The following HSPBAP1 variants were observed in gnomAD, a reference collection of about 807,000 sequenced individuals.
HSPBAP1 encodes the protein HSPB1 associated protein 1.
Under a neutral mutation model 45.2 loss-of-function variants are expected in HSPBAP1, and 27 were observed. The observed-to-expected ratio is 0.60, with a 90% CI of 0.44 to 0.82. HSPBAP1 has a LOEUF of 0.82. Among genes scored for constraint, HSPBAP1 ranks in the 40% least tolerant of loss-of-function variants. The pLI is 0.00. For missense variants in HSPBAP1, 510 were observed against 590.9 expected (o/e 0.86, Z 1.42); for synonymous variants, 204 against 202.7 (o/e 1.01, Z -0.06).
intron 1 of HSPBAP1, among the ~76,000 whole-genome samples, chr3:122,780,179 C>T (rs1230601468): frequency 8.4e-5 from 7 of 83,358 alleles, no homozygotes; most frequent in Admixed American, 4.2e-4. Flanking sequence ...GCTGGCCGGG[C>T]GGGGGGCTGA....
chr3:122,757,738 T>A (rs1474459658), intron 4 of HSPBAP1, among the ~76,000 whole-genome samples: 1 of 152,218 alleles, frequency 6.6e-6, no homozygotes, highest in Non-Finnish European at 1.5e-5. Flanking sequence ...AATGTCTTAT[T>A]ACAAAGTTAA....
chr3:122,746,731 TC>T (rs1256131619), intron 6 of HSPBAP1, among the ~76,000 whole-genome samples: 1 of 151,866 alleles, frequency 6.6e-6, no homozygotes, highest in African/African-American at 2.4e-5. Flanking sequence ...TGCTGCCATC[TC>T]GGCTCACTGC....
chr3:122,758,002 C>A (rs949266038), intron 4 of HSPBAP1, among the ~76,000 whole-genome samples: 7 of 152,202 alleles, frequency 4.6e-5, no homozygotes, highest in African/African-American at 1.2e-4. Flanking sequence ...TTAATAAAGA[C>A]GGAATGCATC....
intron 2 of HSPBAP1, among the ~76,000 whole-genome samples, chr3:122,769,713 C>A (rs1934918224): frequency 6.6e-6 from 1 of 152,140 alleles, no homozygotes; most frequent in Admixed American, 6.5e-5. Flanking sequence ...CAGGGTCTTG[C>A]TCATCATACA....
chr3:122,773,307 T>G (rs909358976), intron 2 of HSPBAP1, among the ~76,000 whole-genome samples: 7 of 124,382 alleles, frequency 5.6e-5, no homozygotes, highest in South Asian at 2.5e-4. Flanking sequence ...AAATGTGTTT[T>G]TTTTTTTTTT....
chr3:122,778,825 C>T (rs1230232849), intron 1 of HSPBAP1, among the ~76,000 whole-genome samples: 2 of 152,064 alleles, frequency 1.3e-5, no homozygotes, highest in African/African-American at 2.4e-5. Context: ...CCACTGCACC[C>T]GGCCCACACA....
chr3:122,771,621 C>T (rs74693831), intron 2 of HSPBAP1, among the ~76,000 whole-genome samples: 2,273 of 152,286 alleles, frequency 0.015, 59 homozygotes, highest in African/African-American at 0.05. Flanking sequence ...ATCACTCTAT[C>T]CCCCTGCTTT....
At chr3:122,779,692 A>G (rs1022590203) in intron 1 of HSPBAP1, among the ~76,000 whole-genome samples, 7 of 149,086 alleles carry the variant, frequency 4.7e-5, no homozygotes, top group African/African-American at 1.5e-4. Flanking sequence ...ACTTGAGATT[A>G]GGGATTGGTG....
chr3:122,758,246 G>T (rs59881116), intron 4 of HSPBAP1, among the ~76,000 whole-genome samples: 3,799 of 152,314 alleles, frequency 0.025, 147 homozygotes, highest in African/African-American at 0.084. Context: ...AAATAAGGCT[G>T]CACATACATC....
Position 122,755,420 on chromosome 3 carries a change from T to C in HSPBAP1, c.581A>G (p.His194Arg). The C allele has an allele frequency of 6.8e-7, 1 of 1,470,424 alleles. No homozygotes were observed. The highest frequency in any genetic ancestry group is 9.0e-7 in the Non-Finnish European group (1 of 1,109,474). The allele number at this position is 1,470,424 out of a possible 1,614,324, so 91.1% of individuals were successfully genotyped here. Residue 194 changes from histidine to arginine, a missense_variant, in exon 5 of 8, where the codon CAT (histidine) becomes CGT (arginine). Transcript: ENST00000306103. ...AGGAGTATCTTCAGGAGGAAAGAGA[T>C]GCCATCGTTTCCTAATTAAAAAAAA... is the stretch of plus-strand genomic sequence containing the variant. ...VFQVQGRKRW[H>R]LFPPEDTPFL...
At chr3:122,752,915 C>T in intron 5 of HSPBAP1, 2 of 1,199,026 alleles carry the variant, frequency 1.7e-6, no homozygotes, top group Non-Finnish European at 1.0e-6. Context: ...TCTCTTTAAT[C>T]CTGGGCCTTC....
intron 3 of HSPBAP1, among the ~76,000 whole-genome samples, chr3:122,768,289 T>C (rs931592071): frequency 6.6e-6 from 1 of 152,172 alleles, no homozygotes; most frequent in African/African-American, 2.4e-5. Flanking sequence ...AGGTAGAAAT[T>C]GCAGCAGCAG....
At chr3:122,744,185 T>C (rs1933768604) in intron 6 of HSPBAP1, among the ~76,000 whole-genome samples, 1 of 152,140 alleles carries the variant, frequency 6.6e-6, no homozygotes, top group Non-Finnish European at 1.5e-5. Flanking sequence ...ACAAAATATT[T>C]TCTAAAAATG....
intron 1 of HSPBAP1, among the ~76,000 whole-genome samples, chr3:122,789,853 T>C (rs1935767655): frequency 7.0e-6 from 1 of 143,194 alleles, no homozygotes; most frequent in Non-Finnish European, 1.5e-5. Context: ...ATGGCAATCA[T>C]GCCAAAGCTT....
intron 6 of HSPBAP1, among the ~76,000 whole-genome samples, chr3:122,750,550 T>TCTATCTAC (rs1934098375): frequency 6.6e-6 from 1 of 150,788 alleles, no homozygotes; most frequent in Non-Finnish European, 1.5e-5. Context: ...TATCTATCTA[T>TCTATCTAC]CTAATCTATC....
At chr3:122,780,480 C>T (rs1156312109) in intron 1 of HSPBAP1, among the ~76,000 whole-genome samples, 3 of 123,796 alleles carry the variant, frequency 2.4e-5, no homozygotes, top group African/African-American at 6.8e-5. Flanking sequence ...CCTCACCTCC[C>T]GGACGGGGCA....
intron 3 of HSPBAP1, among the ~76,000 whole-genome samples, chr3:122,764,457 GA>G (rs1560135775): frequency 6.6e-6 from 1 of 152,096 alleles, no homozygotes; most frequent in East Asian, 1.9e-4. Flanking sequence ...GCCTCTACTT[GA>G]AGTTTCCTCT....
rs376579514 is a variant in HSPBAP1 at position 122,793,705 on chromosome 3, G to C, written c.-25C>G. On this transcript the variant is annotated 5_prime_UTR_variant, in exon 1 of 8. Coordinates refer to ENST00000306103, the MANE Select transcript of HSPBAP1 (RefSeq NM_024610.6). ...TGGCTACCGCAAGGCGGGTTCTGCC[G>C]GAACCCAAGGCGGAGCGGAGCTGGG... is the stretch of plus-strand genomic sequence containing the variant. The C allele has an allele frequency of 4.1e-5, 66 of 1,611,494 alleles. No individual in the cohort carries two copies. Among genetic ancestry groups the C allele is most frequent in the East Asian group, 2.0e-4 (9 of 44,888 alleles).
chr3:122,792,190 C>T lies in HSPBAP1; in HGVS notation c.64+1427G>A, dbSNP rs532668148. On this transcript the variant is annotated intron_variant, in intron 1 of 7. Coordinates refer to ENST00000306103, the MANE Select transcript of HSPBAP1 (RefSeq NM_024610.6). ...CAGAGGGATCTCAAGCCCATACTGA[C>T]TGAATATTCAAGAGTTTGGCCATTT... 2.6e-5 allele frequency among the ~76,000 whole-genome samples: 4 copies of T among 152,322 alleles called. No individual in the cohort carries two copies. In the East Asian group the frequency reaches 7.7e-4, roughly 29 times the overall value.
Sources: gnomAD v4.1 joint callset for allele counts (sites outside exome capture counted in the v4.1 genomes callset) on GRCh38, gnomAD v4.1.1 for gene constraint, MANE v1.5 for transcripts, NCBI Gene and HGNC (gene_info 2026-07-23, HGNC 2026-07-21) for gene names.